The following NCOA4 variants were observed in gnomAD, a reference collection of about 807,000 sequenced individuals.
The protein encoded by NCOA4 is 70 kDa AR-activator.
In NCOA4, 31 loss-of-function variants were observed where a neutral mutation model predicts 69.5. The observed-to-expected ratio is 0.45, with a 90% CI of 0.34 to 0.60. The LOEUF is 0.60. NCOA4 is among the 20% of genes least tolerant of loss of function. The pLI is 0.02. For synonymous variants in NCOA4, 228 were observed against 252.4 expected (o/e 0.90, Z 0.92); for missense variants, 600 against 719.2 (o/e 0.83, Z 1.90).
chr10:46,008,572 A>G (rs1351349173), intron 9 of NCOA4, among the ~76,000 whole-genome samples: 3 of 152,244 alleles, frequency 2.0e-5, no homozygotes, highest in African/African-American at 7.2e-5. Flanking sequence ...CGGATGAGCA[A>G]AGAAAGTGAT....
intron 1 of NCOA4, among the ~76,000 whole-genome samples, chr10:46,017,744 G>A (rs569438580): frequency 9.9e-5 from 15 of 152,262 alleles, no homozygotes; most frequent in Admixed American, 9.2e-4. Context: ...CTTGGGTTTA[G>A]GAGCGAAAGG....
chr10:46,013,405 C>T (rs1001394426), intron 6 of NCOA4, 145 bp downstream of exon 6: 14 of 633,092 alleles, frequency 2.2e-5, no homozygotes, highest in Non-Finnish European at 3.6e-5. Context: ...CATTAGGTCT[C>T]AAGGGAAGCA....
At chr10:46,007,645 C>T (rs10995571) in intron 9 of NCOA4, among the ~76,000 whole-genome samples, 64,370 of 145,140 alleles carry the variant, frequency 0.44, 14,562 homozygotes, top group South Asian at 0.67. Flanking sequence ...CAGGCAAGAC[C>T]GCAGCAGAGC....
Position 46,009,391 on chromosome 10 carries a change from T to C in NCOA4, c.1839+20A>G, listed in dbSNP as rs376303565. On this transcript the variant is annotated intron_variant, in intron 9 of 9. Coordinates refer to ENST00000581486, the MANE Select transcript of NCOA4 (RefSeq NM_001145263.2). Reference sequence around the variant, plus strand: ...ATAAATAGCTATAATCTAATTTTCATGCTGGTGGCATGTACCCACCTGTAG... The same window carrying C: ...ATAAATAGCTATAATCTAATTTTCACGCTGGTGGCATGTACCCACCTGTAG... 1.4e-5 allele frequency: 22 copies of C among 1,598,078 alleles called. No individual in the cohort carries two copies. In the African/African-American group the frequency reaches 2.0e-4, roughly 15 times the overall value.
At chr10:46,029,488 G>A (rs1554926136) in intron 1 of NCOA4, among the ~76,000 whole-genome samples, 2 of 152,012 alleles carry the variant, frequency 1.3e-5, no homozygotes, top group Admixed American at 6.6e-5. Flanking sequence ...TATAAAAATG[G>A]GCCAACTATG....
chr10:46,014,985 G>T, intron 3 of NCOA4, 43 bp from the exon 4 acceptor site: 1 of 1,590,312 alleles, frequency 6.3e-7, no homozygotes, highest in African/African-American at 1.3e-5. Context: ...GACACCAAAA[G>T]CACCAGATAT....
rs782729934 is a variant in NCOA4 at position 46,010,849 on chromosome 10, C to T, written c.1072G>A (p.Val358Met). 2.5e-6 allele frequency: 4 copies of T among 1,613,878 alleles called. No individual in the cohort carries two copies. In the African/African-American group the frequency reaches 4.0e-5, roughly 16 times the overall value. The change falls in exon 8 of 10, where the codon GTG (valine) becomes ATG (methionine). Residue 358 changes from valine (V) to methionine (M), a missense_variant. Val to Met is a conservative substitution (Grantham distance 21, BLOSUM62 1). Coordinates refer to ENST00000581486, the MANE Select transcript of NCOA4 (RefSeq NM_001145263.2). ...TNCQGNQPKG[V>M]EIENLGNLKC... is the part of the protein sequence containing the mutation. ...AGATTGCCCAGGTTTTCAATCTCCA[C>T]ACCTTTGGGCTGGTTTCCCTGACAG... is the stretch of plus-strand genomic sequence containing the variant.
At chr10:46,020,397 AT>A (rs1839804415) in intron 1 of NCOA4, among the ~76,000 whole-genome samples, 1 of 152,164 alleles carries the variant, frequency 6.6e-6, no homozygotes, top group African/African-American at 2.4e-5. Context: ...GTGAGATATT[AT>A]ATGTCTACCG....
intron 1 of NCOA4, among the ~76,000 whole-genome samples, chr10:46,024,061 A>G (rs1840038818): frequency 6.6e-6 from 1 of 152,200 alleles, no homozygotes; most frequent in Admixed American, 6.5e-5. Flanking sequence ...ACCCTAAATT[A>G]AGTATCCCTT....
chr10:46,013,740 AT>A, intron 5 of NCOA4, 101 bp from the exon 6 acceptor site: 2 of 757,408 alleles, frequency 2.6e-6, no homozygotes, highest in Non-Finnish European at 2.2e-6. Context: ...TTACCATTTC[AT>A]TAGAAATACT....
At chr10:46,017,615 T>A (rs1554923581) in intron 1 of NCOA4, among the ~76,000 whole-genome samples, 1 of 152,028 alleles carries the variant, frequency 6.6e-6, no homozygotes, top group African/African-American at 2.4e-5. Context: ...ATGTAATATA[T>A]AATATATAAA....
intron 1 of NCOA4, among the ~76,000 whole-genome samples, chr10:46,021,415 G>T (rs1026037324): frequency 2.6e-5 from 4 of 152,200 alleles, no homozygotes; most frequent in Non-Finnish European, 5.9e-5. Context: ...AGCCAGAAGG[G>T]GTAAGATTTG....
At position 46,012,969 on chromosome 10, in the gene NCOA4, G is replaced by A. The variant is rs979017509; in HGVS notation, c.628C>T (p.Pro210Ser). 6.2e-7 allele frequency: 1 copy of A among 1,614,126 alleles called. No homozygotes were observed. ...TAAGGAGCTTGATAACCACTGGCAG[G>A]TTTGCTTCCAAGGAGCCATTCGCTG... ...PFSEWLLGSK[P>S]ASGYQAPYIP... Residue 210 changes from proline (P) to serine (S), a missense_variant, in exon 7 of 10, where the codon CCT (proline) becomes TCT (serine). Physicochemically the swap from Pro to Ser is moderately conservative, Grantham distance 74. Transcript: ENST00000581486.
chr10:46,005,489 G>A lies in NCOA4; in HGVS notation c.*1103C>T, dbSNP rs1290694891. ...TGGAAAGCAGCAAAGATATCTTAGA[G>A]AAAACATTATAAACCCCACTTCTCT... On this transcript the variant is annotated 3_prime_UTR_variant, in exon 10 of 10. Coordinates refer to ENST00000581486, the MANE Select transcript of NCOA4 (RefSeq NM_001145263.2). The A allele has an allele frequency of 4.5e-6, 1 of 221,078 alleles. No individual in the cohort carries two copies. Among genetic ancestry groups the A allele is most frequent in the East Asian group, 6.6e-5 (1 of 15,142 alleles). 13.7% of individuals were successfully genotyped at this position (221,078 alleles called of 1,614,324 possible).
chr10:46,011,496 C>T (rs1395166456), intron 7 of NCOA4, among the ~76,000 whole-genome samples: 1 of 150,870 alleles, frequency 6.6e-6, no homozygotes, highest in East Asian at 2.0e-4. Context: ...AGGATGGTCT[C>T]GATCTCCTGA....
intron 7 of NCOA4, among the ~76,000 whole-genome samples, chr10:46,011,567 G>A (rs782653596): frequency 4.6e-5 from 7 of 151,478 alleles, no homozygotes; most frequent in African/African-American, 1.2e-4. Context: ...GAGCCACCAC[G>A]CCCGGCCCTG....
At chr10:46,023,284 C>G in intron 1 of NCOA4, 5 of 985,472 alleles carry the variant, frequency 5.1e-6, no homozygotes, top group Non-Finnish European at 6.0e-6. Context: ...TGCAAGGCTA[C>G]CGGCCTCAAG....
rs1839413860 is a variant in NCOA4 at position 46,014,427 on chromosome 10, CAT to C, written c.480+15_480+16del. 1.9e-6 allele frequency: 3 copies of C among 1,549,138 alleles called. No homozygotes were observed. The highest frequency in any genetic ancestry group is 1.8e-6 in the Non-Finnish European group (2 of 1,123,068). Reference sequence around the variant, plus strand: ...CAGATATGAGAAGTGCCCAGTGAAGCATATGAGATTACTCACAATGGTTTTGA... The same window carrying C: ...CAGATATGAGAAGTGCCCAGTGAAGCATGAGATTACTCACAATGGTTTTGA... On this transcript the variant is annotated intron_variant, in intron 5 of 9. Transcript: ENST00000581486.
Position 46,022,537 on chromosome 10 carries a change from TG to T in NCOA4, c.-14-5844del, listed in dbSNP as rs370778096. ...CTGGAGTGCAGTGGCGCGATCTCACTGCAAGCTCCACCTCCCGGCTTCATAC... is the reference window on the plus strand; with the variant it reads ...CTGGAGTGCAGTGGCGCGATCTCACTCAAGCTCCACCTCCCGGCTTCATAC... On this transcript the variant is annotated intron_variant, in intron 1 of 9. Transcript: ENST00000581486. 1,067 of 436,086 alleles carry T rather than the reference TG, an allele frequency of 2.4e-3. 4 individuals are homozygous for T. The highest frequency in any genetic ancestry group is 6.4e-3 in the Middle Eastern group (8 of 1,244). The allele number at this position is 436,086 out of a possible 1,614,324, so 27.0% of individuals were successfully genotyped here.
Sources: gnomAD v4.1 joint callset for allele counts (sites outside exome capture counted in the v4.1 genomes callset) on GRCh38, gnomAD v4.1.1 for gene constraint, MANE v1.5 for transcripts, NCBI Gene and HGNC (gene_info 2026-07-23, HGNC 2026-07-21) for gene names.